ATIC: variants seen among roughly 807,000 people sequenced by gnomAD.
ATIC encodes the protein bifunctional purine biosynthesis protein ATIC.
ATIC carries 64 observed loss-of-function variants against 72.5 expected under a neutral mutation model. That is an observed-to-expected ratio of 0.88 (90% CI 0.72 to 1.09). The LOEUF (loss-of-function observed/expected upper bound fraction) is 1.09, where lower values mean the gene tolerates loss of function less well. Among genes scored for constraint, ATIC ranks in the 50% least tolerant of loss-of-function variants. The pLI is 0.00. For missense variants in ATIC, 787 were observed against 732.4 expected (o/e 1.07, Z -0.86); for synonymous variants, 281 against 267.1 (o/e 1.05, Z -0.51).
chr2:215,333,629 A>G (rs1410754664), intron 9 of ATIC, among the ~76,000 whole-genome samples, 172 bp downstream of exon 9: 2 of 152,170 alleles, frequency 1.3e-5, no homozygotes, highest in African/African-American at 4.8e-5. Context: ...TATATAATAT[A>G]GTTTGATTAA....
At position 215,344,865 on chromosome 2, in the gene ATIC, C is replaced by CG. The variant is rs1559279612; in HGVS notation, c.1317dup (p.Gln440AlafsTer22). On this transcript the variant is annotated frameshift_variant, in exon 13 of 16. Coordinates refer to ENST00000236959, the MANE Select transcript of ATIC (RefSeq NM_004044.7). LOFTEE classifies it high-confidence loss of function. ...CTAACTCTGTGTGCTACGCCAAGAACGGGCAGGTAAGTGGGCTGTTGGACT... is the reference window on the plus strand; with the variant it reads ...CTAACTCTGTGTGCTACGCCAAGAACGGGGCAGGTAAGTGGGCTGTTGGACT... 1 of 1,613,838 alleles carries CG rather than the reference C, an allele frequency of 6.2e-7. No individual in the cohort carries two copies. Among genetic ancestry groups the CG allele is most frequent in the Admixed American group, 1.7e-5 (1 of 59,986 alleles).
chr2:215,362,186 A>G, the ATIC span: 2 of 767,398 alleles, frequency 2.6e-6, no homozygotes, highest in Non-Finnish European at 4.6e-6. Context: ...CACTGGCAAA[A>G]TATAAGCAGT....
intron 4 of ATIC, among the ~76,000 whole-genome samples, chr2:215,324,610 G>A (rs1371534535): frequency 6.6e-6 from 1 of 152,060 alleles, no homozygotes; most frequent in Non-Finnish European, 1.5e-5. Context: ...CAGCAGTTAG[G>A]CTTGTTTGGA....
chr2:215,322,135 T>G (rs1315459012), intron 4 of ATIC, among the ~76,000 whole-genome samples: 9 of 151,988 alleles, frequency 5.9e-5, no homozygotes, highest in Non-Finnish European at 5.9e-5. Context: ...ATTCCTGACC[T>G]CGGGTTATCT....
At chr2:215,336,381 G>A (rs2052955403) in intron 11 of ATIC, among the ~76,000 whole-genome samples, 1 of 152,156 alleles carries the variant, frequency 6.6e-6, no homozygotes, top group Non-Finnish European at 1.5e-5. Context: ...GGCTGATGTG[G>A]GAGGATGGCT....
At chr2:215,325,573 A>T (rs1017517764) in intron 5 of ATIC, among the ~76,000 whole-genome samples, 2 of 149,354 alleles carry the variant, frequency 1.3e-5, no homozygotes, top group Non-Finnish European at 3.0e-5. Context: ...TTTTATTTTT[A>T]TTTTTTTGAG....
chr2:215,366,737 G>C, the ATIC span, among the ~76,000 whole-genome samples: 1 of 152,188 alleles, frequency 6.6e-6, no homozygotes, highest in Admixed American at 6.5e-5. Context: ...GATTATGTAA[G>C]TTGAGCCAAA....
At position 215,316,216 on chromosome 2, in the gene ATIC, C is replaced by T. The variant is rs144494565; in HGVS notation, c.147-1941C>T. Among the ~76,000 whole-genome samples the T allele has an allele frequency of 7.9e-5, 12 of 152,180 alleles. No individual in the cohort carries two copies. In the East Asian group the frequency reaches 2.3e-3, roughly 29 times the overall value. ...ATGTTTAATTCTAGAAATAAATCCG[C>T]CTTCTCTAAGTTTTAAGTGACTGTC... On this transcript the variant is annotated intron_variant, in intron 2 of 15. Transcript: ENST00000236959.
chr2:215,320,286 C>G (rs2052753227), intron 4 of ATIC, among the ~76,000 whole-genome samples: 1 of 152,178 alleles, frequency 6.6e-6, no homozygotes, highest in Non-Finnish European at 1.5e-5. Context: ...TTAAAATGTA[C>G]AAATCAGTGG....
chr2:215,367,931 T>A, the ATIC span: 6 of 1,614,100 alleles, frequency 3.7e-6, no homozygotes, highest in East Asian at 1.3e-4. Flanking sequence ...AAAGCCTGAT[T>A]CAGACATTCG....
At position 215,344,770 on chromosome 2, in the gene ATIC, G is replaced by A. The variant is rs751911681; in HGVS notation, c.1228-9G>A. 8.7e-6 allele frequency: 14 copies of A among 1,612,144 alleles called. No homozygotes were observed. The African/African-American group carries it at 1.7e-4, about 20-fold the overall frequency. On this transcript the variant is annotated splice_polypyrimidine_tract_variant and intron_variant, in intron 12 of 15. Transcript: ENST00000236959. ...CCCCATGCAATTTACCATTGTGTATGTGTTTCAGTTGCCAGAGTCTGCCCT... is the reference window on the plus strand; with the variant it reads ...CCCCATGCAATTTACCATTGTGTATATGTTTCAGTTGCCAGAGTCTGCCCT...
Position 215,349,540 on chromosome 2 carries a change from G to A in ATIC, c.1664G>A (p.Gly555Asp). Residue 555 changes from glycine to aspartate, a missense_variant, in exon 16 of 16, where the codon GGT (glycine) becomes GAT (aspartate). Physicochemically the swap from Gly to Asp is moderately conservative, Grantham distance 94. Coordinates refer to ENST00000236959, the MANE Select transcript of ATIC (RefSeq NM_004044.7). ...AAATCAATATACTTCCCCCAGAGTG[G>A]TGTGGCGTACATTGCGGCTCCCTCC... ...RDNVDRAKRSGVAYIAAPSGS... is the reference protein window; with the variant it reads ...RDNVDRAKRSDVAYIAAPSGS... The A allele has an allele frequency of 6.2e-7, 1 of 1,614,128 alleles. No individual in the cohort carries two copies. The highest frequency in any genetic ancestry group is 8.5e-7 in the Non-Finnish European group (1 of 1,180,036).
At chr2:215,330,925 T>G (rs2052885779) in intron 7 of ATIC, among the ~76,000 whole-genome samples, 1 of 152,194 alleles carries the variant, frequency 6.6e-6, no homozygotes, top group African/African-American at 2.4e-5. Context: ...GCACTTTCAG[T>G]TAACAACATG....
At position 215,332,446 on chromosome 2, in the gene ATIC, G is replaced by T; in HGVS notation, c.753G>T (p.Lys251Asn). The T allele has an allele frequency of 6.2e-7, 1 of 1,614,098 alleles. No homozygotes were observed. Among genetic ancestry groups the T allele is most frequent in the Non-Finnish European group, 8.5e-7 (1 of 1,180,020 alleles). The change falls in exon 8 of 16, where the codon AAG becomes AAT. Residue 251 changes from lysine to asparagine, a missense_variant. Transcript: ENST00000236959. ...CDALNAWQLV[K>N]ELKEALGIPA... ...CTTTGAACGCCTGGCAGCTGGTGAA[G>T]GAACTCAAGGAGGCTTTAGGTATTC...
At chr2:215,316,184 AC>A (rs1158568302) in intron 2 of ATIC, among the ~76,000 whole-genome samples, 13 of 152,094 alleles carry the variant, frequency 8.5e-5, no homozygotes, top group Non-Finnish European at 1.0e-4. Context: ...CTTTTTAATT[AC>A]CCCAAATGTT....
the ATIC span, chr2:215,364,881 G>A: frequency 2.4e-5 from 38 of 1,551,938 alleles, no homozygotes; most frequent in Non-Finnish European, 3.1e-5. Context: ...AGTCTTACCC[G>A]CTGGCCTCCA....
At chr2:215,360,159 A>G in the ATIC span, among the ~76,000 whole-genome samples, 71 of 152,180 alleles carry the variant, frequency 4.7e-4, no homozygotes, top group African/African-American at 1.6e-3. Flanking sequence ...GCTGGTCTCA[A>G]ACTCCTGACC....
chr2:215,315,101 C>T (rs567784475), intron 2 of ATIC, among the ~76,000 whole-genome samples: 2 of 152,278 alleles, frequency 1.3e-5, no homozygotes, highest in East Asian at 3.9e-4. Context: ...CCAGATTCTT[C>T]TTGGCTTCTC....
Position 215,319,727 on chromosome 2 carries a change from A to G in ATIC, c.286A>G (p.Ile96Val), listed in dbSNP as rs776551356. The part of the protein sequence containing the change: ...ADMARLDFNL[I>V]RVVACNLYPF... ...CATGGCCAGACTTGATTTCAATCTT[A>G]TAAGGTAAAAACCTGAAATTAAACT... The change falls in exon 4 of 16, where the codon ATA becomes GTA. Residue 96 changes from isoleucine to valine, a missense_variant. Transcript: ENST00000236959. The G allele has an allele frequency of 1.9e-6, 3 of 1,606,400 alleles. No individual in the cohort carries two copies. Among genetic ancestry groups the G allele is most frequent in the South Asian group, 2.2e-5 (2 of 90,898 alleles).
Sources: allele counts gnomAD v4.1 joint callset (sites outside exome capture counted in the v4.1 genomes callset), GRCh38; gene constraint gnomAD v4.1.1; transcripts MANE v1.5; gene names NCBI Gene and HGNC (gene_info 2026-07-23, HGNC 2026-07-21).